GABRB1: variants seen among roughly 807,000 people sequenced by gnomAD.
GABRB1 encodes gamma-aminobutyric acid receptor subunit beta-1.
A neutral mutation model predicts 51.6 loss-of-function variants in GABRB1; 17 were observed. That is an observed-to-expected ratio of 0.33 (90% CI 0.23 to 0.49). The LOEUF is 0.49. GABRB1 is among the 20% of genes least tolerant of loss of function. GABRB1 has a pLI of 0.99. For synonymous variants in GABRB1, 247 were observed against 218.9 expected (o/e 1.13, Z -1.14); for missense variants, 410 against 600.6 (o/e 0.68, Z 3.32).
intron 5 of GABRB1, among the ~76,000 whole-genome samples, chr4:47,366,882 A>T (rs756943454): frequency 1.3e-4 from 20 of 152,158 alleles, no homozygotes; most frequent in Non-Finnish European, 2.8e-4. Flanking sequence ...AATTTATACT[A>T]CTTTTTAGAC....
intron 4 of GABRB1, among the ~76,000 whole-genome samples, chr4:47,173,705 GTTTA>G (rs1560570940): frequency 6.6e-6 from 1 of 152,096 alleles, no homozygotes; most frequent in Admixed American, 6.6e-5. Context: ...CTCATGCTTC[GTTTA>G]TTTGAGTTTT....
intron 4 of GABRB1, among the ~76,000 whole-genome samples, chr4:47,242,838 T>C (rs910071786): frequency 6.6e-6 from 1 of 152,166 alleles, no homozygotes. Flanking sequence ...CTGTAGGTTG[T>C]CTGTTCACTC....
intron 5 of GABRB1, among the ~76,000 whole-genome samples, chr4:47,335,999 G>A (rs6447547): frequency 0.44 from 57,702 of 132,048 alleles, 10,015 homozygotes; most frequent in East Asian, 0.58. Flanking sequence ...TTTGTCATAA[G>A]TTCTGTTTTA....
At chr4:47,163,202 G>A (rs1718035747) in intron 4 of GABRB1, among the ~76,000 whole-genome samples, 1 of 151,860 alleles carries the variant, frequency 6.6e-6, no homozygotes, top group African/African-American at 2.4e-5. Flanking sequence ...GTATAGTAAT[G>A]GGCTAATACC....
chr4:47,013,495 G>C (rs1473696498), intron 1 of GABRB1, among the ~76,000 whole-genome samples: 1 of 152,040 alleles, frequency 6.6e-6, no homozygotes, highest in Non-Finnish European at 1.5e-5. Flanking sequence ...GATGTTTCTT[G>C]GTTTAAAGGA....
chr4:47,384,178 A>G (rs1270511134), intron 5 of GABRB1, among the ~76,000 whole-genome samples: 2 of 152,034 alleles, frequency 1.3e-5, no homozygotes, highest in Non-Finnish European at 2.9e-5. Context: ...TAATATTATC[A>G]TTCATAGATA....
At chr4:47,161,571 A>AAT in intron 4 of GABRB1, 102 bp downstream of exon 4, 1 of 820,988 alleles carries the variant, frequency 1.2e-6, no homozygotes, top group Non-Finnish European at 1.9e-6. Context: ...TATATAGATG[A>AAT]ATATATAAAT....
At chr4:47,255,242 C>T (rs1722153905) in intron 4 of GABRB1, among the ~76,000 whole-genome samples, 1 of 152,226 alleles carries the variant, frequency 6.6e-6, no homozygotes, top group Admixed American at 6.5e-5. Flanking sequence ...ATAGAGTTCA[C>T]ATCATTAACT....
chr4:47,088,063 G>C (rs1281461399), intron 3 of GABRB1, among the ~76,000 whole-genome samples: 1 of 152,162 alleles, frequency 6.6e-6, no homozygotes, highest in Non-Finnish European at 1.5e-5. Flanking sequence ...ATTGCTTTTA[G>C]AGGAAATCAT....
At chr4:47,417,413 A>T (rs911023327) in intron 8 of GABRB1, among the ~76,000 whole-genome samples, 1 of 152,092 alleles carries the variant, frequency 6.6e-6, no homozygotes, top group Admixed American at 6.6e-5. Flanking sequence ...GGACATGCAA[A>T]GAGACATGCA....
At chr4:47,161,032 A>T (rs1436857258) in intron 3 of GABRB1, among the ~76,000 whole-genome samples, 1 of 151,870 alleles carries the variant, frequency 6.6e-6, no homozygotes, top group Non-Finnish European at 1.5e-5. Context: ...GGCTCAAGGG[A>T]TTCTCCTGCC....
At chr4:47,300,373 T>C (rs894793589) in intron 4 of GABRB1, among the ~76,000 whole-genome samples, 1 of 152,076 alleles carries the variant, frequency 6.6e-6, no homozygotes, top group Non-Finnish European at 1.5e-5. Flanking sequence ...ATTGTAAAAA[T>C]TATCTTCAAG....
intron 8 of GABRB1, among the ~76,000 whole-genome samples, chr4:47,422,324 G>A (rs113688125): frequency 9.2e-5 from 14 of 152,120 alleles, no homozygotes; most frequent in African/African-American, 2.9e-4. Flanking sequence ...ACCCTATCCC[G>A]ATATGTGTGA....
chr4:47,263,024 CA>C (rs1256935781), intron 4 of GABRB1, among the ~76,000 whole-genome samples: 1 of 122,294 alleles, frequency 8.2e-6, no homozygotes, highest in Non-Finnish European at 1.6e-5. Context: ...AGGGGAACAT[CA>C]CACACTGGGG....
intron 3 of GABRB1, among the ~76,000 whole-genome samples, chr4:47,154,801 A>G (rs1717618045): frequency 1.3e-5 from 2 of 152,032 alleles, no homozygotes; most frequent in African/African-American, 4.8e-5. Context: ...CTCTCTAACA[A>G]TAAACTCTGC....
intron 3 of GABRB1, among the ~76,000 whole-genome samples, chr4:47,114,766 C>T (rs1715393065): frequency 6.6e-6 from 1 of 152,122 alleles, no homozygotes; most frequent in African/African-American, 2.4e-5. Flanking sequence ...AGGCCCAGTG[C>T]AAAATGAAAA....
chr4:47,175,880 A>G (rs968371574), intron 4 of GABRB1, among the ~76,000 whole-genome samples: 1 of 152,158 alleles, frequency 6.6e-6, no homozygotes, highest in Admixed American at 6.6e-5. Flanking sequence ...ACTCTTGGCC[A>G]CTTGTTTAAA....
intron 4 of GABRB1, among the ~76,000 whole-genome samples, chr4:47,263,433 G>A (rs1399660324): frequency 6.6e-6 from 1 of 152,084 alleles, no homozygotes; most frequent in African/African-American, 2.4e-5. Context: ...AAAAACAACA[G>A]TCTCATGGAA....
At chr4:47,071,464 G>A (rs962083576) in intron 3 of GABRB1, among the ~76,000 whole-genome samples, 2 of 151,960 alleles carry the variant, frequency 1.3e-5, no homozygotes, top group Non-Finnish European at 2.9e-5. Context: ...CCCCAGCCAT[G>A]CCTGCCTCCT....
Sources: gnomAD v4.1 joint callset for allele counts (sites outside exome capture counted in the v4.1 genomes callset) on GRCh38, gnomAD v4.1.1 for gene constraint, MANE v1.5 for transcripts, NCBI Gene and HGNC (gene_info 2026-07-23, HGNC 2026-07-21) for gene names.